SPOPL: variants seen among roughly 807,000 people sequenced by gnomAD.
SPOPL encodes speckle-type POZ protein-like.
SPOPL carries 23 observed loss-of-function variants against 53.8 expected under a neutral mutation model. The ratio of observed to expected loss-of-function variants is 0.43; its 90% CI spans 0.31 to 0.61. The LOEUF (loss-of-function observed/expected upper bound fraction) is 0.61, where lower values mean the gene tolerates loss of function less well. Among genes scored for constraint, SPOPL ranks in the 20% least tolerant of loss-of-function variants. The pLI is 0.12. For missense variants in SPOPL, 442 were observed against 466.9 expected (o/e 0.95, Z 0.49); for synonymous variants, 164 against 149.7 (o/e 1.10, Z -0.70).
chr2:138,551,894 T>A (rs1002258578), intron 4 of SPOPL, among the ~76,000 whole-genome samples: 3 of 152,066 alleles, frequency 2.0e-5, no homozygotes, highest in African/African-American at 7.2e-5. Flanking sequence ...CCTTAGGCAT[T>A]TGAAATATTT....
chr2:138,534,241 C>T (rs547868084), intron 1 of SPOPL, among the ~76,000 whole-genome samples: 1 of 152,142 alleles, frequency 6.6e-6, no homozygotes, highest in East Asian at 1.9e-4. Flanking sequence ...GATTCTGCAT[C>T]TGAGGATTCA....
chr2:138,542,128 A>G (rs1232133518), intron 1 of SPOPL, among the ~76,000 whole-genome samples: 9 of 152,170 alleles, frequency 5.9e-5, no homozygotes. Flanking sequence ...GTTCTTTTAC[A>G]TATGCTGAAG....
At chr2:138,516,674 A>G (rs995307686) in intron 1 of SPOPL, among the ~76,000 whole-genome samples, 1 of 152,198 alleles carries the variant, frequency 6.6e-6, no homozygotes, top group East Asian at 1.9e-4. Flanking sequence ...AGGTGAGCCC[A>G]TGATAGCCAG....
At chr2:138,552,380 TC>T (rs1234838318) in intron 4 of SPOPL, among the ~76,000 whole-genome samples, 173 bp from the exon 5 acceptor site, 1 of 152,092 alleles carries the variant, frequency 6.6e-6, no homozygotes, top group Non-Finnish European at 1.5e-5. Flanking sequence ...AGTTACTGTT[TC>T]TACCTGACTT....
intron 5 of SPOPL, chr2:138,554,519 A>G: frequency 7.8e-7 from 1 of 1,288,950 alleles, no homozygotes; most frequent in Non-Finnish European, 1.0e-6. Context: ...CTCCCCTGCA[A>G]GTGGTGCTGT....
chr2:138,568,626 G>C (rs1573914407), intron 10 of SPOPL, among the ~76,000 whole-genome samples: 2 of 152,172 alleles, frequency 1.3e-5, no homozygotes, highest in East Asian at 3.9e-4. Flanking sequence ...CCTTATAAGA[G>C]GCATGTAAAA....
At chr2:138,504,444 T>C (rs1684170922) in intron 1 of SPOPL, among the ~76,000 whole-genome samples, 1 of 152,192 alleles carries the variant, frequency 6.6e-6, no homozygotes, top group Non-Finnish European at 1.5e-5. Flanking sequence ...TGAAGAAAAA[T>C]AACTCCCCTA....
intron 1 of SPOPL, among the ~76,000 whole-genome samples, chr2:138,529,083 T>C (rs1039425385): frequency 6.6e-6 from 1 of 152,238 alleles, no homozygotes; most frequent in Non-Finnish European, 1.5e-5. Flanking sequence ...CAAAGTTGGC[T>C]GTGAAGCAGA....
rs1377599973 is a variant in SPOPL at position 138,501,960 on chromosome 2, A to C, written c.-220A>C. 6.6e-6 allele frequency: 1 copy of C among 152,044 alleles called. No homozygotes were observed. The highest frequency in any genetic ancestry group is 1.5e-5 in the Non-Finnish European group (1 of 68,110). 9.4% of individuals were successfully genotyped at this position (152,044 alleles called of 1,614,324 possible). ...GATAGGGAAGGAGGGCGGGTCGGGG[A>C]GGAGGGATGCGGTTCGGCGGAGGCG... On this transcript the variant is annotated 5_prime_UTR_variant, in exon 1 of 11. Coordinates refer to ENST00000280098, the MANE Select transcript of SPOPL (RefSeq NM_001001664.3).
chr2:138,559,039 T>C lies in SPOPL; in HGVS notation c.498T>C (p.Asp166=), dbSNP rs138851580. The C allele has an allele frequency of 5.0e-6, 8 of 1,602,482 alleles. No individual in the cohort carries two copies. Among genetic ancestry groups the C allele is most frequent in the Non-Finnish European group, 5.9e-6 (7 of 1,176,848 alleles). ...TLFCEVSVVQ[D]SVNISGHTNT... is the part of the protein sequence containing the mutation. ...TTTATTAGGTGAGTGTGGTCCAAGATTCAGTAAACATATCAGGACATACTA... is the reference window on the plus strand; with the variant it reads ...TTTATTAGGTGAGTGTGGTCCAAGACTCAGTAAACATATCAGGACATACTA... Residue 166 remains aspartate (D), a synonymous_variant, in exon 6 of 11, where the codon GAT becomes GAC. Coordinates refer to ENST00000280098, the MANE Select transcript of SPOPL (RefSeq NM_001001664.3).
rs536147980 is a variant in SPOPL, at chr2:138,564,630, T to A, written c.838-78T>A. The stretch of plus-strand genomic sequence containing the variant: ...ATAATAATCTATTTTACCCTTATTT[T>A]CCAAGTTGCAAATGTATCATGTATT... On this transcript the variant is annotated intron_variant, in intron 8 of 10. Coordinates refer to ENST00000280098, the MANE Select transcript of SPOPL (RefSeq NM_001001664.3). 47 of 1,499,224 alleles carry A rather than the reference T, an allele frequency of 3.1e-5. No homozygotes were observed. The Admixed American group carries it at 8.6e-4, about 28-fold the overall frequency. 92.9% of individuals were successfully genotyped at this position (1,499,224 alleles called of 1,614,324 possible).
intron 8 of SPOPL, among the ~76,000 whole-genome samples, chr2:138,563,152 A>G (rs1266838090): frequency 1.3e-5 from 2 of 152,194 alleles, no homozygotes; most frequent in African/African-American, 4.8e-5. Flanking sequence ...CGTTTGAGCA[A>G]ACATTTTCTG....
chr2:138,555,485 C>G (rs1685403808), intron 5 of SPOPL, among the ~76,000 whole-genome samples: 1 of 151,984 alleles, frequency 6.6e-6, no homozygotes, highest in South Asian at 2.1e-4. Flanking sequence ...TGACACCAAT[C>G]TATGAAAATC....
chr2:138,535,609 T>G (rs1390548110), intron 1 of SPOPL, among the ~76,000 whole-genome samples: 1 of 151,152 alleles, frequency 6.6e-6, no homozygotes, highest in Non-Finnish European at 1.5e-5. Flanking sequence ...ATCCATGTGT[T>G]TGTGGGTTTC....
chr2:138,530,916 A>AGAGT (rs1482795983), intron 1 of SPOPL, among the ~76,000 whole-genome samples: 1 of 98,056 alleles, frequency 1.0e-5, no homozygotes, highest in Non-Finnish European at 2.1e-5. Flanking sequence ...ACCTTACTGT[A>AGAGT]GAGTGAGTGT....
chr2:138,535,555 C>CTTTTTTTTTTT (rs539254466), intron 1 of SPOPL, among the ~76,000 whole-genome samples: 21 of 86,918 alleles, frequency 2.4e-4, no homozygotes, highest in East Asian at 7.4e-4. Flanking sequence ...ATTCTAGTAG[C>CTTTTTTTTTTT]TTTTTTTTTT....
chr2:138,538,047 A>G (rs557404183), intron 1 of SPOPL, among the ~76,000 whole-genome samples: 19 of 152,060 alleles, frequency 1.2e-4, no homozygotes, highest in Non-Finnish European at 2.8e-4. Context: ...TTACTGATTT[A>G]TAGTTTCATT....
At chr2:138,558,648 G>C (rs1685478249) in intron 5 of SPOPL, among the ~76,000 whole-genome samples, 1 of 151,916 alleles carries the variant, frequency 6.6e-6, no homozygotes, top group Non-Finnish European at 1.5e-5. Context: ...ATGTAGGTAG[G>C]TTTGAAGTGT....
At chr2:138,562,638 G>A (rs1440765687) in intron 8 of SPOPL, among the ~76,000 whole-genome samples, 1 of 151,964 alleles carries the variant, frequency 6.6e-6, no homozygotes, top group Non-Finnish European at 1.5e-5. Flanking sequence ...ACAAAAATGA[G>A]CTGGGTATGG....
Sources: gnomAD v4.1 joint callset for allele counts (sites outside exome capture counted in the v4.1 genomes callset) on GRCh38, gnomAD v4.1.1 for gene constraint, MANE v1.5 for transcripts, NCBI Gene and HGNC (gene_info 2026-07-23, HGNC 2026-07-21) for gene names.